Variants in DST observed in about 807,000 individuals in gnomAD.
The protein encoded by DST is dystonin.
A neutral mutation model predicts 875.2 loss-of-function variants in DST; 253 were observed. The ratio of observed to expected loss-of-function variants is 0.29; its 90% confidence interval spans 0.26 to 0.32. The LOEUF is 0.32. DST is among the 10% of genes least tolerant of loss of function. DST has a pLI of 1.00. For synonymous variants in DST, 3,124 were observed against 3,197.1 expected (o/e 0.98, Z 0.77); for missense variants, 8,287 against 9,111.6 (o/e 0.91, Z 3.68).
intron 102 of DST, chr6:56,461,212 T>C (rs1340866906): frequency 6.6e-6 from 1 of 151,944 alleles, no homozygotes; most frequent in Non-Finnish European, 1.5e-5. Flanking sequence ...ATATTAATAG[T>C]CATTTATCTA....
At chr6:56,536,241 T>C (rs116254753) in intron 62 of DST, among the ~76,000 whole-genome samples, 2,715 of 152,340 alleles carry the variant, frequency 0.018, 74 homozygotes, top group African/African-American at 0.061. Context: ...AGGTTGGACC[T>C]ACATCTTACA....
rs747676783 is a variant in DST, at chr6:56,617,115, C to A, written c.4930-2631G>T. On this transcript the variant is annotated intron_variant, in intron 36 of 103. Transcript: ENST00000680361. ...TGAACTTCTTCAACAGTCTTAAGAC[C>A]GAGTCGCAGCTGCTCAATTGTTCTC... The A allele has an allele frequency of 1.9e-6, 3 of 1,611,502 alleles. No individual in the cohort carries two copies. The highest frequency in any genetic ancestry group is 2.5e-6 in the Non-Finnish European group (3 of 1,178,470).
intron 4 of DST, among the ~76,000 whole-genome samples, chr6:56,799,757 G>C (rs778854204): frequency 3.3e-5 from 5 of 151,958 alleles, no homozygotes; most frequent in Admixed American, 6.6e-5. Context: ...AAGTAGCGGG[G>C]ATAACAGGCA....
At chr6:56,685,459 T>G (rs891703684) in intron 9 of DST, among the ~76,000 whole-genome samples, 4 of 152,154 alleles carry the variant, frequency 2.6e-5, no homozygotes, top group Admixed American at 1.3e-4. Context: ...AGATACCATC[T>G]CACACCAGTC....
intron 39 of DST, among the ~76,000 whole-genome samples, 197 bp downstream of exon 39, chr6:56,610,230 G>A (rs2152717586): frequency 6.6e-6 from 1 of 152,304 alleles, no homozygotes; most frequent in Non-Finnish European, 1.5e-5. Flanking sequence ...AGATGTCACA[G>A]AAACTGATGG....
intron 3 of DST, among the ~76,000 whole-genome samples, chr6:56,867,761 TG>T (rs1774933283): frequency 6.8e-6 from 1 of 146,662 alleles, no homozygotes; most frequent in African/African-American, 2.5e-5. Context: ...TGAACCCGGG[TG>T]GCAGAGGATG....
intron 67 of DST, 37 bp downstream of exon 67, chr6:56,528,804 C>T: frequency 7.5e-7 from 1 of 1,337,024 alleles, no homozygotes; most frequent in African/African-American, 1.5e-5. Flanking sequence ...ATATAAAATG[C>T]TGACCACATG....
intron 64 of DST, among the ~76,000 whole-genome samples, chr6:56,532,031 C>T (rs2096904496): frequency 1.3e-5 from 2 of 152,114 alleles, no homozygotes; most frequent in Admixed American, 6.5e-5. Flanking sequence ...GATGATCTGC[C>T]CAGCTCACCC....
chr6:56,629,468 T>C, intron 31 of DST, 25 bp from the exon 32 acceptor site: 1 of 1,581,416 alleles, frequency 6.3e-7, no homozygotes, highest in Non-Finnish European at 8.7e-7. Context: ...TTGGTAAAAG[T>C]TATAAAAATG....
At chr6:56,884,755 GTC>G (rs1783843843) in intron 3 of DST, among the ~76,000 whole-genome samples, 2 of 151,978 alleles carry the variant, frequency 1.3e-5, no homozygotes, top group South Asian at 4.2e-4. Context: ...TTGAGATGGA[GTC>G]TCACTCTGTT....
chr6:56,586,725 T>G (rs976775673), intron 49 of DST, among the ~76,000 whole-genome samples: 1 of 152,104 alleles, frequency 6.6e-6, no homozygotes, highest in Admixed American at 6.5e-5. Flanking sequence ...TCCAGAGGAA[T>G]GATCAGACAG....
chr6:56,729,766 T>A lies in DST; in HGVS notation c.687+5462A>T, dbSNP rs549083962. Reference sequence around the variant, plus strand: ...GTTCTCAGCTTGAGGATTTATATTATCTTCCCGCCACCAAATCAGAAAATA... The same window carrying A: ...GTTCTCAGCTTGAGGATTTATATTAACTTCCCGCCACCAAATCAGAAAATA... On this transcript the variant is annotated intron_variant, in intron 5 of 103. Coordinates refer to ENST00000680361, the MANE Select transcript of DST (RefSeq NM_001374736.1). Among the ~76,000 whole-genome samples the A allele has an allele frequency of 7.2e-5, 11 of 152,288 alleles. No individual in the cohort carries two copies. The South Asian group carries it at 2.3e-3, about 32-fold the overall frequency.
intron 55 of DST, among the ~76,000 whole-genome samples, chr6:56,566,857 A>T (rs2097688412): frequency 6.6e-6 from 1 of 152,216 alleles, no homozygotes; most frequent in Non-Finnish European, 1.5e-5. Flanking sequence ...TTTTAAATAC[A>T]TAAAAAAGAA....
intron 3 of DST, chr6:56,861,955 G>A (rs758668491): frequency 6.6e-6 from 1 of 152,214 alleles, no homozygotes; most frequent in Non-Finnish European, 1.5e-5. Flanking sequence ...TCTTACCCCA[G>A]AGTGTACAGA....
intron 2 of DST, among the ~76,000 whole-genome samples, chr6:56,933,490 G>A (rs1356755838): frequency 6.6e-6 from 1 of 152,196 alleles, no homozygotes; most frequent in African/African-American, 2.4e-5. Flanking sequence ...CAGTGTGGAT[G>A]TTTGGCCTTA....
In DST at chr6:56,886,649, C is replaced by T. The variant is rs543947454; in HGVS notation, c.417+13772G>A. ...AATTAGCTGGGTGTGGTGGCACATG[C>T]CTGTAATCCCAGCTGCTCGGGAGGC... On this transcript the variant is annotated intron_variant, in intron 3 of 103. Coordinates refer to ENST00000680361, the MANE Select transcript of DST (RefSeq NM_001374736.1). Among the ~76,000 whole-genome samples, 6 of 152,176 alleles carry T rather than the reference C, an allele frequency of 3.9e-5. No homozygotes were observed. The South Asian group carries it at 1.0e-3, about 26-fold the overall frequency.
intron 4 of DST, among the ~76,000 whole-genome samples, chr6:56,819,415 A>G (rs2099770375): frequency 6.6e-6 from 1 of 152,228 alleles, no homozygotes; most frequent in African/African-American, 2.4e-5. Context: ...GAGATTTCTC[A>G]TAATTTCAGT....
At chr6:56,480,224 C>T (rs78372539) in intron 90 of DST, among the ~76,000 whole-genome samples, 2,054 of 152,248 alleles carry the variant, frequency 0.013, 41 homozygotes, top group African/African-American at 0.048. Context: ...AATATCATAA[C>T]TTAAATTATC....
chr6:56,580,697 C>T (rs1184663525), intron 49 of DST, among the ~76,000 whole-genome samples: 1 of 150,598 alleles, frequency 6.6e-6, no homozygotes, highest in Admixed American at 6.6e-5. Context: ...AGATTTTGAG[C>T]CTAGGTAATT....
Sources: gnomAD v4.1 joint callset for allele counts (sites outside exome capture counted in the v4.1 genomes callset) on GRCh38, gnomAD v4.1.1 for gene constraint, MANE v1.5 for transcripts, NCBI Gene and HGNC (gene_info 2026-07-23, HGNC 2026-07-21) for gene names.